HMCN1: variants seen among roughly 807,000 people sequenced by gnomAD.
The protein encoded by HMCN1 is hemicentin 1.
Under a neutral mutation model 625.9 loss-of-function variants are expected in HMCN1, and 321 were observed. That is an observed-to-expected ratio of 0.51 (90% CI 0.47 to 0.56). HMCN1 has a LOEUF of 0.56. Among genes scored for constraint, HMCN1 ranks in the 20% least tolerant of loss-of-function variants. The probability of loss-of-function intolerance (pLI) is 0.00; values close to 1 mark genes in which losing one functional copy is unlikely to be tolerated. For missense variants in HMCN1, 6,588 were observed against 6,887.3 expected (o/e 0.96, Z 1.54); for synonymous variants, 2,425 against 2,417.6 (o/e 1.00, Z -0.09).
At chr1:185,852,971 G>C (rs1196438298) in intron 2 of HMCN1, among the ~76,000 whole-genome samples, 1 of 151,938 alleles carries the variant, frequency 6.6e-6, no homozygotes, top group Admixed American at 6.6e-5. Context: ...TCTTACACAG[G>C]TCACAAAAAT....
rs758501344 is a variant in HMCN1, at chr1:186,016,062, A to G, written c.5014A>G (p.Ile1672Val). 42 of 1,613,422 alleles carry G rather than the reference A, an allele frequency of 2.6e-5. No homozygotes were observed. The South Asian group carries it at 4.3e-4, about 16-fold the overall frequency. The change falls in exon 32 of 107, where the codon ATT becomes GTT. Residue 1672 changes from isoleucine to valine, a missense_variant. Ile to Val is a conservative substitution (Grantham distance 29). Coordinates refer to ENST00000271588, the MANE Select transcript of HMCN1 (RefSeq NM_031935.3). ...ECKAAGNPSP[I>V]LTWLKDGVPV... ...CAAAGCTGCTGGAAACCCTTCTCCC[A>G]TTCTCACCTGGTTGAAAGATGGTGT...
chr1:185,994,408 A>C (rs766541837), intron 23 of HMCN1, among the ~76,000 whole-genome samples: 20 of 152,324 alleles, frequency 1.3e-4, no homozygotes, highest in African/African-American at 4.1e-4. Flanking sequence ...AACTGAGTAC[A>C]TGGAGAGAAA....
chr1:186,160,946 G>C (rs1369156168), intron 97 of HMCN1, among the ~76,000 whole-genome samples: 1 of 151,914 alleles, frequency 6.6e-6, no homozygotes, highest in Non-Finnish European at 1.5e-5. Context: ...TCCACTTGGT[G>C]CAGAGCTGAG....
chr1:186,067,779 C>A, intron 49 of HMCN1, 55 bp from the exon 50 acceptor site: 1 of 1,243,358 alleles, frequency 8.0e-7, no homozygotes, highest in Non-Finnish European at 1.2e-6. Flanking sequence ...TTTAGAAATG[C>A]ACAAATATAC....
chr1:186,144,826 G>A, intron 91 of HMCN1, 123 bp downstream of exon 91: 2 of 1,127,416 alleles, frequency 1.8e-6, no homozygotes, highest in South Asian at 1.3e-5. Context: ...ATGTCAGAAT[G>A]TTGTAAGGTT....
intron 93 of HMCN1, among the ~76,000 whole-genome samples, chr1:186,149,388 T>G (rs1650534414): frequency 1.3e-5 from 2 of 152,226 alleles, no homozygotes; most frequent in South Asian, 4.1e-4. Context: ...CTTAAATGGC[T>G]TCTGTCCTTG....
intron 63 of HMCN1, 94 bp from the exon 64 acceptor site, chr1:186,090,664 A>G (rs1055103109): frequency 3.7e-5 from 52 of 1,408,262 alleles, no homozygotes; most frequent in Middle Eastern, 3.6e-4. Flanking sequence ...TACAAAGAAT[A>G]TGAACTAGAA....
intron 1 of HMCN1, among the ~76,000 whole-genome samples, chr1:185,736,557 C>T (rs370347662): frequency 3.3e-5 from 5 of 152,274 alleles, no homozygotes; most frequent in African/African-American, 7.2e-5. Context: ...TCTAACACCA[C>T]GATTTGCTTT....
intron 1 of HMCN1, among the ~76,000 whole-genome samples, chr1:185,738,044 A>C (rs1276506626): frequency 6.6e-6 from 1 of 152,228 alleles, no homozygotes; most frequent in African/African-American, 2.4e-5. Flanking sequence ...AACGGGGGTC[A>C]TGGAAAGGCG....
chr1:186,088,292 A>AT lies in HMCN1; in HGVS notation c.9577+21dup. 6.2e-7 allele frequency: 1 copy of AT among 1,612,124 alleles called. No individual in the cohort carries two copies. Among genetic ancestry groups the AT allele is most frequent in the Non-Finnish European group, 8.5e-7 (1 of 1,178,788 alleles). On this transcript the variant is annotated intron_variant, in intron 62 of 106. Coordinates refer to ENST00000271588, the MANE Select transcript of HMCN1 (RefSeq NM_031935.3). ...AAGCGCATAGGTAAGGCAACCATGC[A>AT]TTTTTGTGTGTGTGTGTGTTTTTTT...
rs139603506 is a variant in HMCN1 at position 186,162,735 on chromosome 1, G to A, written c.15257-2376G>A. Among the ~76,000 whole-genome samples the A allele has an allele frequency of 8.3e-3, 1,269 of 152,274 alleles. 19 individuals are homozygous for A. The highest frequency in any genetic ancestry group is 0.027 in the African/African-American group (1,106 of 41,550). Reference sequence around the variant, plus strand: ...GGTGTCTGCAGAACAGGGGTTTTTCGTGAACCACGAATGCTGCTGTCTGAT... The same window carrying A: ...GGTGTCTGCAGAACAGGGGTTTTTCATGAACCACGAATGCTGCTGTCTGAT... On this transcript the variant is annotated intron_variant, in intron 97 of 106. Transcript: ENST00000271588.
chr1:186,037,035 T>G (rs1391044841), intron 36 of HMCN1, among the ~76,000 whole-genome samples: 1 of 152,192 alleles, frequency 6.6e-6, no homozygotes, highest in Non-Finnish European at 1.5e-5. Context: ...CTTGTTTTCT[T>G]TCCTTCTTTC....
chr1:186,087,966 T>C lies in HMCN1; in HGVS notation c.9398T>C (p.Ile3133Thr), dbSNP rs1329554185. Residue 3133 changes from isoleucine (I) to threonine (T), a missense_variant, in exon 61 of 107, where the codon ATA becomes ACA. Physicochemically the swap from Ile to Thr is moderately conservative, Grantham distance 89 (BLOSUM62 -1). Coordinates refer to ENST00000271588, the MANE Select transcript of HMCN1 (RefSeq NM_031935.3). ...SDTGQYVCRA[I>T]NVAGRDDKNF... ...ACAGGCCAGTATGTATGTAGAGCTA[T>C]AAATGTAGCAGGACGGGATGATAAA... The C allele has an allele frequency of 3.1e-6, 5 of 1,613,122 alleles. No homozygotes were observed. Among genetic ancestry groups the C allele is most frequent in the Admixed American group, 1.7e-5 (1 of 59,882 alleles).
Position 185,768,384 on chromosome 1 carries a change from C to T in HMCN1, c.268+33337C>T, listed in dbSNP as rs1571323745. On this transcript the variant is annotated intron_variant, in intron 1 of 106. Transcript: ENST00000271588. ...TAGAGGAGAGGGATGATTTGTTTGA[C>T]AGGAAAGCATGTAAAAACAGGTGGG... 2.0e-5 allele frequency among the ~76,000 whole-genome samples: 3 copies of T among 152,070 alleles called. No homozygotes were observed. The South Asian group carries it at 6.2e-4, about 31-fold the overall frequency.
chr1:186,125,124 A>T (rs12130626), intron 81 of HMCN1, among the ~76,000 whole-genome samples: 10,478 of 152,116 alleles, frequency 0.069, 856 homozygotes, highest in East Asian at 0.4. Flanking sequence ...ATACTGCAAT[A>T]AGTATTTTTT....
chr1:185,991,320 GA>G (rs1329325415), intron 22 of HMCN1, among the ~76,000 whole-genome samples: 2 of 151,916 alleles, frequency 1.3e-5, no homozygotes, highest in Non-Finnish European at 2.9e-5. Context: ...CTATTTGTTT[GA>G]AAAAAATATT....
chr1:185,817,354 C>T (rs1243158319), intron 1 of HMCN1, among the ~76,000 whole-genome samples: 1 of 152,026 alleles, frequency 6.6e-6, no homozygotes, highest in African/African-American at 2.4e-5. Flanking sequence ...AGGGGTGCCT[C>T]CAGGTTGATG....
intron 68 of HMCN1, among the ~76,000 whole-genome samples, chr1:186,096,669 C>T (rs1212190178): frequency 6.6e-6 from 1 of 152,046 alleles, no homozygotes; most frequent in Non-Finnish European, 1.5e-5. Context: ...AAACCAAATT[C>T]GACAGTATAT....
rs113968177 is a variant in HMCN1, at chr1:185,823,361, C to T, written c.269-22665C>T. 3.2e-3 allele frequency among the ~76,000 whole-genome samples: 486 copies of T among 152,124 alleles called. 4 individuals carry two copies. The highest frequency in any genetic ancestry group is 0.011 in the African/African-American group (475 of 41,498). On this transcript the variant is annotated intron_variant, in intron 1 of 106. Coordinates refer to ENST00000271588, the MANE Select transcript of HMCN1 (RefSeq NM_031935.3). ...CATGAGCTTTCTGTAATATACAAGG[C>T]AAACATGTAAAACAACTGTGAAAGT...
Sources: gnomAD v4.1 joint callset for allele counts (sites outside exome capture counted in the v4.1 genomes callset) on GRCh38, gnomAD v4.1.1 for gene constraint, MANE v1.5 for transcripts, NCBI Gene and HGNC (gene_info 2026-07-23, HGNC 2026-07-21) for gene names.